Variants in CCDC149 observed in about 807,000 individuals in gnomAD.
The protein encoded by CCDC149 is coiled-coil domain containing 149.
A neutral mutation model predicts 59.9 loss-of-function variants in CCDC149; 45 were observed. That is an observed-to-expected ratio of 0.75 (90% CI 0.59 to 0.96). CCDC149 has a LOEUF of 0.96. Ranked by LOEUF, CCDC149 falls within the 40% of genes least tolerant of loss-of-function variation. The pLI is 0.00. For missense variants in CCDC149, 584 were observed against 664.7 expected, an observed-to-expected ratio of 0.88 and a Z score of 1.33; for synonymous variants, 245 against 260.6, an observed-to-expected ratio of 0.94 and a Z score of 0.58.
intron 4 of CCDC149, 100 bp downstream of exon 4, chr4:24,852,970 CTT>C: frequency 1.0e-5 from 8 of 774,866 alleles, no homozygotes; most frequent in Non-Finnish European, 1.7e-5. Context: ...CTATAACAAA[CTT>C]TTCAACAAAT....
chr4:24,975,705 G>A (rs974246306), intron 1 of CCDC149, among the ~76,000 whole-genome samples: 1 of 152,000 alleles, frequency 6.6e-6, no homozygotes, highest in East Asian at 1.9e-4. Flanking sequence ...GTCCACCCCT[G>A]CAACCATGAA....
chr4:24,842,610 G>T (rs1335040774), intron 4 of CCDC149, among the ~76,000 whole-genome samples: 1 of 152,196 alleles, frequency 6.6e-6, no homozygotes, highest in African/African-American at 2.4e-5. Context: ...TGAATTATGG[G>T]TGTGAGTCGT....
intron 4 of CCDC149, among the ~76,000 whole-genome samples, chr4:24,848,242 T>C (rs1257393252): frequency 6.6e-6 from 1 of 152,218 alleles, no homozygotes. Context: ...TGTCACAGTA[T>C]TGCAGTGCTT....
At position 24,837,547 on chromosome 4, in the gene CCDC149, G is replaced by C; in HGVS notation, c.490-147C>G. Reference sequence around the variant, plus strand: ...CCTAAAGCCATAAGCGCCACACACTGAAATACAATAACAGCTAAAAGCGAG... The same window carrying C: ...CCTAAAGCCATAAGCGCCACACACTCAAATACAATAACAGCTAAAAGCGAG... On this transcript the variant is annotated intron_variant, in intron 5 of 12. Transcript: ENST00000635206. The surrounding 1 kb of genome is among the most constrained non-coding windows in gnomAD (Gnocchi z 4.3). 1 of 662,474 alleles carries C rather than the reference G, an allele frequency of 1.5e-6. No homozygotes were observed. The highest frequency in any genetic ancestry group is 2.0e-5 in the South Asian group (1 of 49,468). The allele number at this position is 662,474 out of a possible 1,614,324, so 41.0% of individuals were successfully genotyped here. A position where few individuals can be genotyped will look rare whatever the true frequency, so the allele number is the denominator to read the frequency against.
chr4:24,828,008 G>A (rs1715872509), intron 9 of CCDC149: 1 of 152,092 alleles, frequency 6.6e-6, no homozygotes, highest in Non-Finnish European at 1.5e-5. Context: ...GCTAAATCAA[G>A]GGGGAGAACA....
At chr4:24,919,563 G>A (rs1722224516) in intron 1 of CCDC149, among the ~76,000 whole-genome samples, 1 of 152,150 alleles carries the variant, frequency 6.6e-6, no homozygotes, top group African/African-American at 2.4e-5. Flanking sequence ...CTCTGGGAGG[G>A]GCAGGATTGA....
At chr4:24,834,705 G>T (rs1716380831) in intron 8 of CCDC149, among the ~76,000 whole-genome samples, 1 of 152,184 alleles carries the variant, frequency 6.6e-6, no homozygotes, top group South Asian at 2.1e-4. Flanking sequence ...GAACTTTTTA[G>T]AAATACATAA....
At chr4:24,875,785 C>T (rs991576299) in intron 2 of CCDC149, among the ~76,000 whole-genome samples, 3 of 152,040 alleles carry the variant, frequency 2.0e-5, no homozygotes, top group African/African-American at 7.2e-5. Flanking sequence ...AACTAAGTAG[C>T]CACCTGTAGC....
At chr4:24,885,290 T>G (rs1720095074) in intron 1 of CCDC149, among the ~76,000 whole-genome samples, 1 of 152,154 alleles carries the variant, frequency 6.6e-6, no homozygotes, top group South Asian at 2.1e-4. Context: ...TCCTGTGGTG[T>G]AAATTATATT....
chr4:24,873,524 G>A (rs572884910), intron 3 of CCDC149, among the ~76,000 whole-genome samples, 157 bp downstream of exon 3: 4 of 152,206 alleles, frequency 2.6e-5, no homozygotes, highest in African/African-American at 4.8e-5. Context: ...ACTCCACTCC[G>A]AATTTCTCTT....
chr4:24,921,200 A>G (rs985703623), intron 1 of CCDC149, among the ~76,000 whole-genome samples: 2 of 152,216 alleles, frequency 1.3e-5, no homozygotes, highest in African/African-American at 4.8e-5. Context: ...TACACCAGGC[A>G]CTTTTCTAAG....
At chr4:24,851,328 T>A (rs902841278) in intron 4 of CCDC149, among the ~76,000 whole-genome samples, 8 of 152,318 alleles carry the variant, frequency 5.3e-5, no homozygotes, top group African/African-American at 1.9e-4. Context: ...ACTGGCATGA[T>A]CATGGTTCTC....
In CCDC149 at chr4:24,876,529, C is replaced by T. The variant is rs1235602643; in HGVS notation, c.225+7G>A. 1 of 1,611,714 alleles carries T rather than the reference C, an allele frequency of 6.2e-7. No homozygotes were observed. Among genetic ancestry groups the T allele is most frequent in the Non-Finnish European group, 8.5e-7 (1 of 1,178,492 alleles). On this transcript the variant is annotated splice_region_variant and intron_variant, in intron 2 of 12. Coordinates refer to ENST00000635206, the MANE Select transcript of CCDC149 (RefSeq NM_001330643.2). ...AAAGTCGCTGAACAGGGCAGCCTAA[C>T]ACTTACAATCAGCTCTCGGTACTTC...
chr4:24,834,283 G>C (rs1716351558), intron 8 of CCDC149, among the ~76,000 whole-genome samples: 1 of 152,166 alleles, frequency 6.6e-6, no homozygotes, highest in South Asian at 2.1e-4. Flanking sequence ...TATTCGACTC[G>C]AGACTTATGT....
chr4:24,906,801 C>G (rs944862161), intron 1 of CCDC149, among the ~76,000 whole-genome samples: 3 of 152,096 alleles, frequency 2.0e-5, no homozygotes, highest in African/African-American at 7.2e-5. Context: ...CTTCATTCAT[C>G]CAAAAGTAGC....
chr4:24,968,061 A>G (rs1160150311), intron 1 of CCDC149, among the ~76,000 whole-genome samples: 1 of 152,226 alleles, frequency 6.6e-6, no homozygotes, highest in African/African-American at 2.4e-5. Flanking sequence ...GATTGGGATG[A>G]TGCAGCTGAG....
intron 1 of CCDC149, among the ~76,000 whole-genome samples, chr4:24,919,766 C>T (rs993756128): frequency 1.3e-5 from 2 of 152,218 alleles, no homozygotes; most frequent in Non-Finnish European, 2.9e-5. Context: ...GTCACCTCCA[C>T]CATGGGCGGA....
intron 1 of CCDC149, among the ~76,000 whole-genome samples, chr4:24,885,361 T>C (rs1720099773): frequency 1.3e-5 from 2 of 152,210 alleles, no homozygotes; most frequent in Non-Finnish European, 2.9e-5. Flanking sequence ...AAAGTGATTG[T>C]GGTTCAGGAT....
chr4:24,939,160 A>G (rs1335708387), intron 1 of CCDC149, among the ~76,000 whole-genome samples: 4 of 152,210 alleles, frequency 2.6e-5, no homozygotes, highest in Non-Finnish European at 5.9e-5. Flanking sequence ...GGGCGGACTG[A>G]CACCTCACAC....
Sources: allele counts gnomAD v4.1 joint callset (sites outside exome capture counted in the v4.1 genomes callset), GRCh38; gene constraint gnomAD v4.1.1; non-coding constraint Gnocchi (gnomAD v3.1); transcripts MANE v1.5; gene names NCBI Gene and HGNC (gene_info 2026-07-23, HGNC 2026-07-21).